AIPL1: variants seen among roughly 807,000 people sequenced by gnomAD.
AIPL1 encodes the protein aryl-hydrocarbon-interacting protein-like 1.
Under a neutral mutation model 32.9 loss-of-function variants are expected in AIPL1, and 23 were observed. That is an observed-to-expected ratio of 0.70 (90% CI 0.50 to 0.99). The LOEUF is 0.99. Among genes scored for constraint, AIPL1 ranks in the 50% least tolerant of loss-of-function variants. The probability of loss-of-function intolerance (pLI) is 0.00; values close to 1 mark genes in which losing one functional copy is unlikely to be tolerated. For synonymous variants in AIPL1, 210 were observed against 209.4 expected (o/e 1.00, Z -0.02); for missense variants, 485 against 506.0 (o/e 0.96, Z 0.40).
rs1972103 is a variant in AIPL1, at chr17:6,428,046, C to T, written c.465+272G>A. Reference sequence around the variant, plus strand: ...TGTTGGCCAGGCTGGTCTCGAACTCCTGACCTCAGGTGATCCAACCCCCTC... The same window carrying T: ...TGTTGGCCAGGCTGGTCTCGAACTCTTGACCTCAGGTGATCCAACCCCCTC... On this transcript the variant is annotated intron_variant, in intron 3 of 5. Coordinates refer to ENST00000381129, the MANE Select transcript of AIPL1 (RefSeq NM_014336.5). Among the ~76,000 whole-genome samples the T allele has an allele frequency of 9.0e-3, 1,375 of 152,022 alleles. 69 individuals are homozygous for T. The highest frequency in any genetic ancestry group is 0.071 in the Admixed American group (1,078 of 15,256).
intron 2 of AIPL1, among the ~76,000 whole-genome samples, chr17:6,430,969 C>T (rs1436029409): frequency 6.6e-6 from 1 of 151,220 alleles, no homozygotes; most frequent in African/African-American, 2.5e-5. Flanking sequence ...AGTGGGATCA[C>T]CTACTGGCAG....
chr17:6,426,820 G>A (rs946375815), intron 4 of AIPL1, 61 bp downstream of exon 4: 122 of 1,612,046 alleles, frequency 7.6e-5, no homozygotes, highest in South Asian at 7.4e-4. Flanking sequence ...CACCCTGGCC[G>A]GCACTGGGCA....
At chr17:6,433,465 C>G (rs899102064) in intron 2 of AIPL1, among the ~76,000 whole-genome samples, 2 of 152,132 alleles carry the variant, frequency 1.3e-5, no homozygotes, top group African/African-American at 4.8e-5. Context: ...TGGTGGTGCA[C>G]CTGTAGTCCC....
intron 2 of AIPL1, among the ~76,000 whole-genome samples, chr17:6,432,203 T>C (rs1912666546): frequency 6.6e-6 from 1 of 151,884 alleles, no homozygotes; most frequent in Non-Finnish European, 1.5e-5. Flanking sequence ...ATCAACATGG[T>C]GAAACCCTGT....
chr17:6,428,099 C>T (rs1327160486), intron 3 of AIPL1, among the ~76,000 whole-genome samples: 1 of 152,206 alleles, frequency 6.6e-6, no homozygotes, highest in Admixed American at 6.5e-5. Flanking sequence ...GGATTACAGG[C>T]GTGGGCCACC....
In AIPL1 at chr17:6,428,482, A is replaced by G. The variant is rs1193495976; in HGVS notation, c.301T>C (p.Ser101Pro). The change falls in exon 3 of 6, where the codon TCC becomes CCC. Residue 101 changes from serine (S) to proline (P), a missense_variant. Ser to Pro is a moderately conservative substitution (Grantham distance 74). Coordinates refer to ENST00000381129, the MANE Select transcript of AIPL1 (RefSeq NM_014336.5). Reference sequence around the variant, plus strand: ...TGGGCCATCTGCCTCAGGCTCCGGGATAGGATGGGGTAGACCCCCGTGTGC... The same window carrying G: ...TGGGCCATCTGCCTCAGGCTCCGGGGTAGGATGGGGTAGACCCCCGTGTGC... ...TIHTGVYPIL[S>P]RSLRQMAQGK... is the part of the protein sequence containing the mutation. The G allele has an allele frequency of 6.2e-7, 1 of 1,614,012 alleles. No individual in the cohort carries two copies. Among genetic ancestry groups the G allele is most frequent in the Non-Finnish European group, 8.5e-7 (1 of 1,180,016 alleles).
At chr17:6,426,493 G>C in intron 5 of AIPL1, 122 bp downstream of exon 5, 2 of 1,521,626 alleles carry the variant, frequency 1.3e-6, no homozygotes, top group African/African-American at 2.7e-5. Flanking sequence ...AACCCGGCTG[G>C]GTGGAGACAA....
chr17:6,426,908 G>C lies in AIPL1; in HGVS notation c.615C>G (p.Ile205Met), dbSNP rs374997186. 6.2e-7 allele frequency: 1 copy of C among 1,614,088 alleles called. No individual in the cohort carries two copies. The highest frequency in any genetic ancestry group is 1.3e-5 in the African/African-American group (1 of 74,934). Residue 205 changes from isoleucine to methionine, a missense_variant, in exon 4 of 6, where the codon ATC (isoleucine) becomes ATG (methionine). Ile to Met is a conservative substitution (Grantham distance 10). Coordinates refer to ENST00000381129, the MANE Select transcript of AIPL1 (RefSeq NM_014336.5). ...TGGTCTGCAGGTTCCTTAGGCAGAT[G>C]ATGGCCTCCTGGTACTTGGAAGAGG... is the stretch of plus-strand genomic sequence containing the variant. ...EEASSKYQEA[I>M]ICLRNLQTKE...
At chr17:6,427,822 TTC>T (rs1364844125) in intron 3 of AIPL1, among the ~76,000 whole-genome samples, 19 of 151,838 alleles carry the variant, frequency 1.3e-4, no homozygotes, top group Admixed American at 7.2e-4. Context: ...TTTTTTTTTT[TTC>T]TTTTTTTTGG....
chr17:6,432,572 A>G (rs1388961648), intron 2 of AIPL1, among the ~76,000 whole-genome samples: 1 of 152,198 alleles, frequency 6.6e-6, no homozygotes, highest in African/African-American at 2.4e-5. Context: ...GACGGCTTTA[A>G]GGAATTACTG....
At chr17:6,428,169 G>C (rs377543600) in intron 3 of AIPL1, 149 bp downstream of exon 3, 9 of 917,060 alleles carry the variant, frequency 9.8e-6, no homozygotes, top group African/African-American at 1.7e-5. Context: ...TTTCAAATTC[G>C]TATTCTCCCA....
chr17:6,429,631 C>T (rs1019690990), intron 2 of AIPL1, among the ~76,000 whole-genome samples: 3 of 152,186 alleles, frequency 2.0e-5, no homozygotes, highest in Non-Finnish European at 4.4e-5. Context: ...CCAAAGCACA[C>T]TGCCCTCACT....
chr17:6,433,433 C>T (rs1173308052), intron 2 of AIPL1, among the ~76,000 whole-genome samples: 3 of 151,986 alleles, frequency 2.0e-5, no homozygotes, highest in Non-Finnish European at 4.4e-5. Flanking sequence ...TCTGTCTCTA[C>T]AAAAAATACA....
intron 3 of AIPL1, among the ~76,000 whole-genome samples, chr17:6,428,006 GA>G (rs1371291023): frequency 5.9e-5 from 9 of 152,094 alleles, no homozygotes; most frequent in Non-Finnish European, 4.4e-5. Flanking sequence ...TTTTAATAGA[GA>G]CGGGGTTTTA....
At position 6,425,751 on chromosome 17, in the gene AIPL1, C is replaced by G. The variant is rs794727803; in HGVS notation, c.864G>C (p.Gln288His). The G allele has an allele frequency of 6.2e-7, 1 of 1,607,556 alleles. No homozygotes were observed. Among genetic ancestry groups the G allele is most frequent in the African/African-American group, 1.3e-5 (1 of 75,056 alleles). Residue 288 changes from glutamine to histidine, a missense_variant, in exon 6 of 6, where the codon CAG becomes CAC. Coordinates refer to ENST00000381129, the MANE Select transcript of AIPL1 (RefSeq NM_014336.5). ...WNEAEAKADLQKVLELEPSMQ... is the reference protein window; with the variant it reads ...WNEAEAKADLHKVLELEPSMQ... ...TGGACGGCTCCAGCTCCAGCACTTTCTGGAGGTCCGCCTTGGCCTCGGCCT... is the reference window on the plus strand; with the variant it reads ...TGGACGGCTCCAGCTCCAGCACTTTGTGGAGGTCCGCCTTGGCCTCGGCCT...
chr17:6,426,797 C>G (rs746943014), intron 4 of AIPL1, 41 bp from the exon 5 acceptor site: 2 of 1,612,502 alleles, frequency 1.2e-6, no homozygotes, highest in African/African-American at 2.7e-5. Flanking sequence ...AGGCAGCTGC[C>G]CAACCCCCGC....
Position 6,435,017 on chromosome 17 carries a change from C to T in AIPL1, c.88G>A (p.Gly30Arg), listed in dbSNP as rs145112457. The change falls in exon 1 of 6, where the codon GGA (glycine) becomes AGA (arginine). Residue 30 changes from glycine (G) to arginine (R), a missense_variant. Physicochemically the swap from Gly to Arg is moderately radical, Grantham distance 125. Coordinates refer to ENST00000381129, the MANE Select transcript of AIPL1 (RefSeq NM_014336.5). The stretch of plus-strand genomic sequence containing the variant: ...GGAGGGGCCCCACTCACTCGGGATC[C>T]GGTGATGAAGTTTGGGAGCTCGCCC... ...GTGELPNFITGSRVIFHFRTM... is the reference protein window; with the variant it reads ...GTGELPNFITRSRVIFHFRTM... 1.4e-5 allele frequency: 22 copies of T among 1,614,156 alleles called. No individual in the cohort carries two copies. Among genetic ancestry groups the T allele is most frequent in the East Asian group, 2.2e-5 (1 of 44,862 alleles).
intron 2 of AIPL1, among the ~76,000 whole-genome samples, chr17:6,432,793 G>A (rs868197999): frequency 2.0e-5 from 3 of 152,142 alleles, no homozygotes; most frequent in African/African-American, 7.2e-5. Flanking sequence ...ACCACGCCCA[G>A]CTAATTTTTG....
chr17:6,427,655 C>A (rs984175009), intron 3 of AIPL1, among the ~76,000 whole-genome samples: 7 of 152,056 alleles, frequency 4.6e-5, no homozygotes, highest in Admixed American at 3.3e-4. Flanking sequence ...TTCCATGCAG[C>A]CTCTCCCGCC....
Sources: allele counts gnomAD v4.1 joint callset (sites outside exome capture counted in the v4.1 genomes callset), GRCh38; gene constraint gnomAD v4.1.1; transcripts MANE v1.5; gene names NCBI Gene and HGNC (gene_info 2026-07-23, HGNC 2026-07-21).